Variants in VWA8 observed in about 807,000 individuals in gnomAD.
VWA8 encodes von Willebrand factor A domain-containing protein 8.
In VWA8, 221 loss-of-function variants were observed where a neutral mutation model predicts 241.5. That is an observed-to-expected ratio of 0.91 (90% CI 0.82 to 1.02). The LOEUF (loss-of-function observed/expected upper bound fraction) is 1.02. Ranked by LOEUF, VWA8 falls within the 50% of genes least tolerant of loss-of-function variation. The pLI is 0.00. For synonymous variants in VWA8, 852 were observed against 827.1 expected (o/e 1.03, Z -0.52); for missense variants, 2,322 against 2,328.7 (o/e 1.00, Z 0.06).
Position 41,883,471 on chromosome 13 carries a change from T to G in VWA8, c.996A>C (p.Pro332=). 6.2e-7 allele frequency: 1 copy of G among 1,613,454 alleles called. No individual in the cohort carries two copies. The highest frequency in any genetic ancestry group is 8.5e-7 in the Non-Finnish European group (1 of 1,179,572). ...AAAGCCACTGGATTGCATGTTTGAT[T>G]GGCATCATAGGAAAGGAATCCTATG... is the stretch of plus-strand genomic sequence containing the variant. ...VQILDSFPMM[P]IKHAIQWLYP... The change falls in exon 9 of 45, where the codon CCA becomes CCC. Residue 332 remains proline (P), a synonymous_variant. Transcript: ENST00000379310.
At chr13:41,700,276 T>C (rs1331621013) in intron 28 of VWA8, among the ~76,000 whole-genome samples, 2 of 151,888 alleles carry the variant, frequency 1.3e-5, no homozygotes, top group Non-Finnish European at 2.9e-5. Context: ...CATATCTATT[T>C]ATTATATATA....
At chr13:41,662,348 C>A (rs1390084729) in intron 37 of VWA8, among the ~76,000 whole-genome samples, 1 of 152,020 alleles carries the variant, frequency 6.6e-6, no homozygotes, top group Non-Finnish European at 1.5e-5. Context: ...ACACATCCTG[C>A]ACAAGTCTTA....
Position 41,570,719 on chromosome 13 carries a change from G to A in VWA8, c.5371-13C>T. 1 of 1,602,654 alleles carries A rather than the reference G, an allele frequency of 6.2e-7. No homozygotes were observed. The highest frequency in any genetic ancestry group is 1.1e-5 in the South Asian group (1 of 89,924). On this transcript the variant is annotated splice_polypyrimidine_tract_variant and intron_variant, in intron 43 of 44. Coordinates refer to ENST00000379310, the MANE Select transcript of VWA8 (RefSeq NM_015058.2). Reference sequence around the variant, plus strand: ...GGGCATGCATTGTCTGGAGGTAAAAGAAGTTGCACAAAAGCCATGGCTGAG... The same window carrying A: ...GGGCATGCATTGTCTGGAGGTAAAAAAAGTTGCACAAAAGCCATGGCTGAG...
intron 43 of VWA8, among the ~76,000 whole-genome samples, chr13:41,572,555 C>T (rs1049478800): frequency 5.9e-5 from 9 of 152,114 alleles, no homozygotes; most frequent in Non-Finnish European, 1.0e-4. Context: ...GGATTAAGGG[C>T]GGTGCAAGAT....
chr13:41,920,929 A>AT (rs1052685035), intron 2 of VWA8, among the ~76,000 whole-genome samples: 2 of 152,222 alleles, frequency 1.3e-5, no homozygotes, highest in African/African-American at 4.8e-5. Context: ...TCCATAACTC[A>AT]TTTTTTGAGG....
At chr13:41,652,983 A>G (rs2044878976) in intron 37 of VWA8, among the ~76,000 whole-genome samples, 1 of 152,228 alleles carries the variant, frequency 6.6e-6, no homozygotes, top group Non-Finnish European at 1.5e-5. Flanking sequence ...GGAAATAATA[A>G]TTCCAGTCAA....
intron 12 of VWA8, among the ~76,000 whole-genome samples, chr13:41,848,423 C>A (rs1566480380): frequency 6.6e-6 from 1 of 152,146 alleles, no homozygotes; most frequent in Non-Finnish European, 1.5e-5. Flanking sequence ...CCAAATCTCA[C>A]CTCGAATTAT....
chr13:41,652,259 A>C (rs1299474177), intron 37 of VWA8, among the ~76,000 whole-genome samples: 1 of 152,184 alleles, frequency 6.6e-6, no homozygotes, highest in African/African-American at 2.4e-5. Flanking sequence ...CATTAAAACT[A>C]ATCTTTTGGT....
intron 9 of VWA8, among the ~76,000 whole-genome samples, chr13:41,870,357 G>A (rs968897476): frequency 2.0e-5 from 3 of 152,126 alleles, no homozygotes; most frequent in African/African-American, 4.8e-5. Context: ...TAGAACAAAT[G>A]GCTGGGCGCA....
intron 26 of VWA8, 138 bp from the exon 27 acceptor site, chr13:41,703,549 T>G: frequency 1.5e-6 from 1 of 651,760 alleles, no homozygotes; most frequent in Non-Finnish European, 2.6e-6. Flanking sequence ...ATCATTTTAT[T>G]AAACGACAGT....
intron 9 of VWA8, among the ~76,000 whole-genome samples, chr13:41,882,324 G>A (rs1472925321): frequency 6.6e-6 from 1 of 150,884 alleles, no homozygotes; most frequent in African/African-American, 2.4e-5. Context: ...TCCAGACTGG[G>A]CAGCCAGGCA....
intron 20 of VWA8, among the ~76,000 whole-genome samples, chr13:41,766,355 A>T (rs2045779191): frequency 6.6e-6 from 1 of 152,186 alleles, no homozygotes. Flanking sequence ...AGGAGAAAAA[A>T]GCTAAAAGGG....
In VWA8 at chr13:41,689,459, A is replaced by G. The variant is rs2045160786; in HGVS notation, c.4026T>C (p.Ser1342=). 6.2e-7 allele frequency: 1 copy of G among 1,611,680 alleles called. No individual in the cohort carries two copies. Among genetic ancestry groups the G allele is most frequent in the African/African-American group, 1.3e-5 (1 of 74,840 alleles). Residue 1342 remains serine (S), a synonymous_variant, in exon 34 of 45, where the codon TCT becomes TCC. Coordinates refer to ENST00000379310, the MANE Select transcript of VWA8 (RefSeq NM_015058.2). ...PHKISSDQLS[S]EHLSSAVEQK... Reference sequence around the variant, plus strand: ...GTTCCACAGCTGAACTTAGATGTTCAGATGATAGTTGATCACTGGAAATTT... The same window carrying G: ...GTTCCACAGCTGAACTTAGATGTTCGGATGATAGTTGATCACTGGAAATTT...
chr13:41,815,533 G>A (rs1363951313), intron 16 of VWA8, among the ~76,000 whole-genome samples: 2 of 152,158 alleles, frequency 1.3e-5, no homozygotes, highest in East Asian at 3.8e-4. Flanking sequence ...ATGAAGGCAG[G>A]ATTGATATGG....
intron 37 of VWA8, among the ~76,000 whole-genome samples, chr13:41,630,144 G>T (rs554295466): frequency 6.6e-6 from 1 of 152,240 alleles, no homozygotes; most frequent in African/African-American, 2.4e-5. Flanking sequence ...CTATTCCCTG[G>T]TCCTAAAGAC....
intron 21 of VWA8, among the ~76,000 whole-genome samples, chr13:41,732,382 G>C (rs2045491763): frequency 6.6e-6 from 1 of 151,820 alleles, no homozygotes; most frequent in Non-Finnish European, 1.5e-5. Flanking sequence ...CAGACTTATA[G>C]ATTATCCAGA....
At chr13:41,725,972 C>T (rs9594618) in intron 24 of VWA8, among the ~76,000 whole-genome samples, 25 of 152,054 alleles carry the variant, frequency 1.6e-4, no homozygotes, top group African/African-American at 5.5e-4. Flanking sequence ...CAAACAATGC[C>T]TTATCAGATT....
chr13:41,941,234 T>C (rs975372457), intron 2 of VWA8, among the ~76,000 whole-genome samples: 6 of 152,340 alleles, frequency 3.9e-5, no homozygotes, highest in Non-Finnish European at 5.9e-5. Context: ...AAAGCTAATA[T>C]AGATAATACA....
chr13:41,762,875 C>T (rs541079502), intron 20 of VWA8, among the ~76,000 whole-genome samples: 20 of 151,996 alleles, frequency 1.3e-4, no homozygotes, highest in Non-Finnish European at 1.6e-4. Flanking sequence ...AGTGAATAAA[C>T]GAATATAGGG....
Sources: gnomAD v4.1 joint callset for allele counts (sites outside exome capture counted in the v4.1 genomes callset) on GRCh38, gnomAD v4.1.1 for gene constraint, MANE v1.5 for transcripts, NCBI Gene and HGNC (gene_info 2026-07-23, HGNC 2026-07-21) for gene names.